Variants in SPAG16 observed in about 807,000 individuals in gnomAD.
The protein encoded by SPAG16 is sperm associated antigen 16.
A neutral mutation model predicts 80.4 loss-of-function variants in SPAG16; 86 were observed. That is an observed-to-expected ratio of 1.07 (90% CI 0.90 to 1.28). SPAG16 has a LOEUF of 1.28. SPAG16 is among the 50% of genes most tolerant of loss of function. SPAG16 has a pLI of 0.00. For synonymous variants in SPAG16, 294 were observed against 265.9 expected (o/e 1.11, Z -1.03); for missense variants, 870 against 765.3 (o/e 1.14, Z -1.61).
At chr2:213,698,544 G>C (rs962262992) in intron 10 of SPAG16, among the ~76,000 whole-genome samples, 1 of 152,206 alleles carries the variant, frequency 6.6e-6, no homozygotes. Context: ...TCATAGGCGT[G>C]AGCCATTGTG....
chr2:214,195,288 C>T (rs1403853501), intron 15 of SPAG16, among the ~76,000 whole-genome samples: 1 of 51,064 alleles, frequency 2.0e-5, no homozygotes, highest in Non-Finnish European at 4.2e-5. Context: ...CAAACACACA[C>T]AGATAGATGA....
chr2:214,244,487 T>C (rs1244185022), intron 15 of SPAG16, among the ~76,000 whole-genome samples: 1 of 151,416 alleles, frequency 6.6e-6, no homozygotes, highest in African/African-American at 2.4e-5. Context: ...CTAAGTTTCA[T>C]AGTTTCTGAG....
chr2:213,684,805 A>G (rs2064578588), intron 10 of SPAG16, among the ~76,000 whole-genome samples: 2 of 152,372 alleles, frequency 1.3e-5, no homozygotes, highest in South Asian at 4.1e-4. Context: ...TCTGCAATGT[A>G]ATGAGGATAA....
chr2:213,834,118 C>T (rs2073951981), intron 10 of SPAG16, among the ~76,000 whole-genome samples: 1 of 152,056 alleles, frequency 6.6e-6, no homozygotes, highest in Non-Finnish European at 1.5e-5. Flanking sequence ...TTTCTCTTGC[C>T]ACTGCCACGT....
intron 15 of SPAG16, among the ~76,000 whole-genome samples, chr2:214,213,322 T>G (rs1026290908): frequency 6.6e-6 from 1 of 152,298 alleles, no homozygotes; most frequent in East Asian, 1.9e-4. Flanking sequence ...AAGCTGTCAC[T>G]TATTCCTGAA....
chr2:213,780,958 C>CTATT (rs1256636349), intron 10 of SPAG16, among the ~76,000 whole-genome samples: 13 of 152,154 alleles, frequency 8.5e-5, no homozygotes, highest in African/African-American at 3.1e-4. Flanking sequence ...TATTGGTAGT[C>CTATT]CACAGAAGAC....
chr2:213,934,936 C>G (rs994482277), intron 12 of SPAG16, among the ~76,000 whole-genome samples: 1 of 152,178 alleles, frequency 6.6e-6, no homozygotes, highest in Non-Finnish European at 1.5e-5. Flanking sequence ...GGTGCGGTGG[C>G]TCATGCCTGT....
chr2:213,463,730 G>A (rs1272879266), intron 9 of SPAG16, among the ~76,000 whole-genome samples: 1 of 152,268 alleles, frequency 6.6e-6, no homozygotes, highest in Non-Finnish European at 1.5e-5. Context: ...CAGGGGCGGA[G>A]CCCTCATGGA....
chr2:213,990,213 TA>T (rs1414816527), intron 12 of SPAG16, among the ~76,000 whole-genome samples: 9 of 152,184 alleles, frequency 5.9e-5, no homozygotes, highest in Non-Finnish European at 1.0e-4. Flanking sequence ...ATGTGTTTTA[TA>T]TTTACCTTTG....
At chr2:213,967,600 T>C (rs2106369611) in intron 12 of SPAG16, among the ~76,000 whole-genome samples, 1 of 152,304 alleles carries the variant, frequency 6.6e-6, no homozygotes, top group Admixed American at 6.5e-5. Flanking sequence ...GATGTAAATA[T>C]TTAAATATAA....
chr2:213,913,356 C>T (rs1384969580), intron 11 of SPAG16, among the ~76,000 whole-genome samples: 3 of 151,928 alleles, frequency 2.0e-5, no homozygotes, highest in African/African-American at 7.3e-5. Context: ...TTCTGCATAT[C>T]TGGAGATTGT....
At chr2:213,657,667 G>T (rs552104463) in intron 10 of SPAG16, among the ~76,000 whole-genome samples, 1 of 151,962 alleles carries the variant, frequency 6.6e-6, no homozygotes, top group African/African-American at 2.4e-5. Context: ...TCTCTTCCTT[G>T]GGAAACTTTT....
chr2:213,344,871 T>G (rs530690340), intron 6 of SPAG16, among the ~76,000 whole-genome samples: 1 of 152,330 alleles, frequency 6.6e-6, no homozygotes, highest in South Asian at 2.1e-4. Flanking sequence ...AGCAGCATGA[T>G]TTATAATCCT....
intron 15 of SPAG16, among the ~76,000 whole-genome samples, chr2:214,393,230 T>C (rs1180653966): frequency 1.3e-5 from 2 of 152,208 alleles, no homozygotes; most frequent in Non-Finnish European, 2.9e-5. Context: ...CAGTTTATAG[T>C]GGGTAACTTA....
At chr2:213,369,227 T>C (rs2066499560) in intron 8 of SPAG16, among the ~76,000 whole-genome samples, 1 of 152,200 alleles carries the variant, frequency 6.6e-6, no homozygotes. Flanking sequence ...GAAGTTTCTT[T>C]GGTCAAAAAA....
intron 10 of SPAG16, among the ~76,000 whole-genome samples, chr2:213,548,433 A>G (rs1312449122): frequency 6.6e-6 from 1 of 152,050 alleles, no homozygotes; most frequent in African/African-American, 2.4e-5. Context: ...GGATAGTCTC[A>G]GTATCTTGAC....
chr2:213,952,289 A>G (rs2079829410), intron 12 of SPAG16, among the ~76,000 whole-genome samples: 1 of 152,112 alleles, frequency 6.6e-6, no homozygotes, highest in African/African-American at 2.4e-5. Context: ...ATAAAAATGT[A>G]ATTAATAAAG....
intron 12 of SPAG16, among the ~76,000 whole-genome samples, chr2:213,970,238 G>A (rs1436691794): frequency 6.6e-6 from 1 of 151,742 alleles, no homozygotes; most frequent in Admixed American, 6.6e-5. Flanking sequence ...CAAACATTTA[G>A]ACCGTAGCTG....
chr2:213,540,029 ATTTTT>A (rs58117443), intron 10 of SPAG16, among the ~76,000 whole-genome samples: 2 of 110,816 alleles, frequency 1.8e-5, no homozygotes, highest in South Asian at 2.9e-4. Context: ...ATATTTCTTA[ATTTTT>A]TTTTTTTTTT....
Sources: allele counts gnomAD v4.1 joint callset (sites outside exome capture counted in the v4.1 genomes callset), GRCh38; gene constraint gnomAD v4.1.1; transcripts MANE v1.5; gene names NCBI Gene and HGNC (gene_info 2026-07-23, HGNC 2026-07-21).